Variants in FNDC3A observed in about 807,000 individuals in gnomAD.
FNDC3A encodes fibronectin type III domain containing 3A.
A neutral mutation model predicts 148.9 loss-of-function variants in FNDC3A; 32 were observed. That is an observed-to-expected ratio of 0.21 (90% CI 0.16 to 0.29). FNDC3A has a LOEUF of 0.29. Ranked by LOEUF, FNDC3A falls within the 10% of genes least tolerant of loss-of-function variation. The pLI, the probability that FNDC3A is intolerant of heterozygous loss-of-function variation, is 1.00. For synonymous variants in FNDC3A, 472 were observed against 473.6 expected (o/e 1.00, Z 0.04); for missense variants, 1,191 against 1,452.8 (o/e 0.82, Z 2.93).
chr13:49,171,816 T>G (rs1356582426), intron 10 of FNDC3A, among the ~76,000 whole-genome samples: 1 of 152,228 alleles, frequency 6.6e-6, no homozygotes, highest in Non-Finnish European at 1.5e-5. Context: ...TAAAAGAGAT[T>G]GTTCAGTGTT....
intron 11 of FNDC3A, among the ~76,000 whole-genome samples, chr13:49,173,784 C>A (rs955844595): frequency 3.9e-5 from 6 of 152,116 alleles, no homozygotes; most frequent in African/African-American, 1.4e-4. Flanking sequence ...ACCCTAACTA[C>A]CATTTTATCT....
In FNDC3A at chr13:49,078,303, C is replaced by T. The variant is rs1384532275; in HGVS notation, c.175+2939C>T. Among the ~76,000 whole-genome samples, 5 of 152,208 alleles carry T rather than the reference C, an allele frequency of 3.3e-5. No individual in the cohort carries two copies. In the East Asian group the frequency reaches 9.7e-4, roughly 29 times the overall value. ...TATATGCGGCAGTGACCCCTTTGGT[C>T]AGGACCAAAAAAGCCTATCTAATTT... On this transcript the variant is annotated intron_variant, in intron 3 of 25. Transcript: ENST00000492622.
At chr13:49,103,981 A>C (rs1880010784) in intron 3 of FNDC3A, among the ~76,000 whole-genome samples, 1 of 152,206 alleles carries the variant, frequency 6.6e-6, no homozygotes. Context: ...GACCAAGAGC[A>C]AAACTCCCAG....
At chr13:49,045,790 CTTT>C (rs11316518) in intron 2 of FNDC3A, 4,417 of 160,944 alleles carry the variant, frequency 0.027, no homozygotes, top group Middle Eastern at 0.049. Flanking sequence ...AATGACAGTC[CTTT>C]TTTTTTTTTT....
At chr13:49,164,144 CAT>C (rs1884323451) in intron 8 of FNDC3A, among the ~76,000 whole-genome samples, 1 of 152,152 alleles carries the variant, frequency 6.6e-6, no homozygotes, top group South Asian at 2.1e-4. Context: ...AGTTATGAAA[CAT>C]AACTTTGTTG....
At chr13:49,123,460 C>G (rs987358969) in intron 4 of FNDC3A, among the ~76,000 whole-genome samples, 4 of 152,060 alleles carry the variant, frequency 2.6e-5, no homozygotes, top group Non-Finnish European at 5.9e-5. Context: ...TGACCAAACA[C>G]CAAAAGCTAT....
At chr13:48,991,203 C>T (rs1197982308) in intron 1 of FNDC3A, among the ~76,000 whole-genome samples, 1 of 152,130 alleles carries the variant, frequency 6.6e-6, no homozygotes, top group Non-Finnish European at 1.5e-5. Flanking sequence ...TACAAGAAAT[C>T]CACTTTAAGT....
In FNDC3A at chr13:49,136,354, G is replaced by A; in HGVS notation, c.513G>A (p.Arg171=). The change falls in exon 6 of 26, where the codon AGG becomes AGA. Residue 171 remains arginine (R), a synonymous_variant. Transcript: ENST00000492622. ...GDVDAHSTHG[R]SNFRDERSSK... ...TAGATGCTCACTCTACACATGGAAGGTCCAACTTTAGAGATGAACGATCTA... is the reference window on the plus strand; with the variant it reads ...TAGATGCTCACTCTACACATGGAAGATCCAACTTTAGAGATGAACGATCTA... 6.2e-7 allele frequency: 1 copy of A among 1,613,970 alleles called. No homozygotes were observed. The highest frequency in any genetic ancestry group is 8.5e-7 in the Non-Finnish European group (1 of 1,179,956).
chr13:49,144,083 C>T (rs1195605521), intron 7 of FNDC3A, among the ~76,000 whole-genome samples: 1 of 151,598 alleles, frequency 6.6e-6, no homozygotes, highest in Non-Finnish European at 1.5e-5. Flanking sequence ...TTTTGACTGA[C>T]CCACCTTCAT....
intron 1 of FNDC3A, chr13:48,976,535 C>T (rs1253099778): frequency 1.3e-5 from 2 of 152,634 alleles, no homozygotes; most frequent in South Asian, 4.1e-4. Context: ...GCCCTTCTCT[C>T]TGTCCCCCGC....
At chr13:49,062,628 T>C (rs1302229437) in intron 2 of FNDC3A, among the ~76,000 whole-genome samples, 6 of 152,212 alleles carry the variant, frequency 3.9e-5, no homozygotes, top group African/African-American at 1.2e-4. Flanking sequence ...GACTTCTGCT[T>C]GTCTCGCTGA....
intron 4 of FNDC3A, among the ~76,000 whole-genome samples, chr13:49,125,320 GAGATATAGTA>G (rs1001421318): frequency 6.6e-6 from 1 of 151,964 alleles, no homozygotes; most frequent in African/African-American, 2.4e-5. Context: ...TGAGAATGAA[GAGATATAGTA>G]AGAACTGGAG....
At chr13:49,130,329 A>G (rs1448191971) in intron 4 of FNDC3A, among the ~76,000 whole-genome samples, 3 of 152,036 alleles carry the variant, frequency 2.0e-5, no homozygotes, top group African/African-American at 7.2e-5. Context: ...GTCCCTTGAA[A>G]TGATCAGCTG....
At chr13:49,107,330 AGTG>A (rs1880261916) in intron 3 of FNDC3A, among the ~76,000 whole-genome samples, 1 of 152,192 alleles carries the variant, frequency 6.6e-6, no homozygotes, top group Admixed American at 6.5e-5. Context: ...TTGAGAAAAG[AGTG>A]GTAGCTGGAT....
At chr13:49,171,295 C>T (rs1884741658) in intron 10 of FNDC3A, among the ~76,000 whole-genome samples, 1 of 152,024 alleles carries the variant, frequency 6.6e-6, no homozygotes, top group African/African-American at 2.4e-5. Context: ...TGGATAGAGT[C>T]CAAAAAACAT....
intron 3 of FNDC3A, among the ~76,000 whole-genome samples, chr13:49,082,120 C>T (rs1195957652): frequency 1.3e-5 from 2 of 152,088 alleles, no homozygotes; most frequent in Non-Finnish European, 2.9e-5. Flanking sequence ...CACGGTGGCT[C>T]ACGCCTGTAA....
intron 3 of FNDC3A, among the ~76,000 whole-genome samples, chr13:49,105,690 A>G (rs1880131213): frequency 6.6e-6 from 1 of 152,250 alleles, no homozygotes; most frequent in Non-Finnish European, 1.5e-5. Context: ...TTGTGCTATT[A>G]AAATTAGTAC....
chr13:49,127,134 G>A (rs1176060315), intron 4 of FNDC3A, among the ~76,000 whole-genome samples: 3 of 152,180 alleles, frequency 2.0e-5, no homozygotes, highest in Admixed American at 2.0e-4. Flanking sequence ...CCCCCACTGG[G>A]ATACTGGAAC....
chr13:49,164,596 A>G (rs1884351596), intron 8 of FNDC3A, among the ~76,000 whole-genome samples: 1 of 149,990 alleles, frequency 6.7e-6, no homozygotes, highest in Non-Finnish European at 1.5e-5. Context: ...TTGTTCATTC[A>G]TTTTTATTCT....
Sources: allele counts gnomAD v4.1 joint callset (sites outside exome capture counted in the v4.1 genomes callset), GRCh38; gene constraint gnomAD v4.1.1; transcripts MANE v1.5; gene names NCBI Gene and HGNC (gene_info 2026-07-23, HGNC 2026-07-21).